SEZ6L: variants seen among roughly 807,000 people sequenced by gnomAD.
SEZ6L encodes seizure related 6 homolog like, also known as seizure 6-like protein.
In SEZ6L, 37 loss-of-function variants were observed where a neutral mutation model predicts 106.2. The ratio of observed to expected loss-of-function variants is 0.35; its 90% CI spans 0.27 to 0.46. The LOEUF (loss-of-function observed/expected upper bound fraction) is 0.46, where lower values mean the gene tolerates loss of function less well. Among genes scored for constraint, SEZ6L ranks in the 20% least tolerant of loss-of-function variants. SEZ6L has a pLI of 1.00. For missense variants in SEZ6L, 1,172 were observed against 1,332.8 expected, an observed-to-expected ratio of 0.88 and a Z score of 1.88; for synonymous variants, 541 against 570.4, an observed-to-expected ratio of 0.95 and a Z score of 0.73.
intron 1 of SEZ6L, among the ~76,000 whole-genome samples, chr22:26,180,759 G>C (rs1569357575): frequency 6.6e-6 from 1 of 152,200 alleles, no homozygotes; most frequent in Non-Finnish European, 1.5e-5. Context: ...CTTTTCCCAT[G>C]AGAGATTCAT....
intron 1 of SEZ6L, among the ~76,000 whole-genome samples, chr22:26,197,043 G>T (rs1316652059): frequency 6.6e-6 from 1 of 152,212 alleles, no homozygotes; most frequent in Non-Finnish European, 1.5e-5. Flanking sequence ...TTAGAGAGAT[G>T]CATGTAGATA....
At chr22:26,303,928 A>G (rs1293330656) in intron 5 of SEZ6L, among the ~76,000 whole-genome samples, 1 of 152,128 alleles carries the variant, frequency 6.6e-6, no homozygotes, top group Non-Finnish European at 1.5e-5. Context: ...AATGGCTCCC[A>G]AGACTTGAAA....
intron 2 of SEZ6L, among the ~76,000 whole-genome samples, chr22:26,293,617 A>G (rs562855855): frequency 6.4e-4 from 97 of 152,306 alleles, no homozygotes; most frequent in African/African-American, 2.3e-3. Context: ...ATGAGCCAGG[A>G]CACTCAGCCA....
intron 1 of SEZ6L, among the ~76,000 whole-genome samples, chr22:26,200,888 C>A (rs1940897882): frequency 1.3e-5 from 2 of 152,072 alleles, no homozygotes; most frequent in Admixed American, 6.6e-5. Context: ...CATTCCCCAC[C>A]TCTCAGCCTT....
chr22:26,311,720 G>A (rs374876982), intron 7 of SEZ6L, 48 bp from the exon 8 acceptor site: 4 of 1,518,058 alleles, frequency 2.6e-6, no homozygotes, highest in East Asian at 4.5e-5. Flanking sequence ...AGCACCGTGG[G>A]GTAGTCCCTG....
intron 5 of SEZ6L, among the ~76,000 whole-genome samples, chr22:26,303,058 T>C (rs918491679): frequency 4.6e-5 from 7 of 152,250 alleles, no homozygotes; most frequent in Non-Finnish European, 7.3e-5. Flanking sequence ...GGTGGACTTA[T>C]CACCATTTTA....
Position 26,296,956 on chromosome 22 carries a change from C to G in SEZ6L, c.1038C>G (p.Thr346=), listed in dbSNP as rs112422707. Reference sequence around the variant, plus strand: ...GCGGGGTGGACGGCCCTACCCTGACCGTCCTGGCCAACCAGACACTCCTGG... The same window carrying G: ...GCGGGGTGGACGGCCCTACCCTGACGGTCCTGGCCAACCAGACACTCCTGG... ...SIRGVDGPTL[T]VLANQTLLVE... Residue 346 remains threonine, a synonymous_variant, in exon 4 of 17, where the codon ACC becomes ACG. Coordinates refer to ENST00000248933, the MANE Select transcript of SEZ6L (RefSeq NM_021115.5). 1 of 1,613,960 alleles carries G rather than the reference C, an allele frequency of 6.2e-7. No homozygotes were observed. Among genetic ancestry groups the G allele is most frequent in the Non-Finnish European group, 8.5e-7 (1 of 1,179,978 alleles).
Position 26,292,815 on chromosome 22 carries a change from G to T in SEZ6L, c.504G>T (p.Gly168=). The part of the protein sequence containing the change: ...SSSTEKPGPP[G]DPDPIVASEE... Reference sequence around the variant, plus strand: ...CCACGGAGAAGCCTGGCCCACCGGGGGACCCGGACCCCATCGTGGCCTCCG... The same window carrying T: ...CCACGGAGAAGCCTGGCCCACCGGGTGACCCGGACCCCATCGTGGCCTCCG... Residue 168 remains glycine, a synonymous_variant, in exon 2 of 17, where the codon GGG becomes GGT. Transcript: ENST00000248933. 4.3e-6 allele frequency: 7 copies of T among 1,613,910 alleles called. No homozygotes were observed. Among genetic ancestry groups the T allele is most frequent in the African/African-American group, 1.3e-5 (1 of 75,068 alleles).
intron 1 of SEZ6L, among the ~76,000 whole-genome samples, chr22:26,230,442 C>T (rs6004964): frequency 4.5e-4 from 68 of 152,350 alleles, no homozygotes; most frequent in African/African-American, 1.5e-3. Flanking sequence ...TGAGCACTAA[C>T]TCTGCGCCAG....
intron 1 of SEZ6L, among the ~76,000 whole-genome samples, chr22:26,234,620 C>T (rs533192836): frequency 1.3e-5 from 2 of 152,348 alleles, no homozygotes; most frequent in African/African-American, 4.8e-5. Flanking sequence ...CATCTCTATG[C>T]CTGGGCATCT....
chr22:26,275,210 T>C (rs577794623), intron 1 of SEZ6L, among the ~76,000 whole-genome samples: 1 of 152,344 alleles, frequency 6.6e-6, no homozygotes, highest in Non-Finnish European at 1.5e-5. Flanking sequence ...ATTTTGAATT[T>C]ACAACGTTGC....
intron 15 of SEZ6L, 116 bp downstream of exon 15, chr22:26,375,805 C>T (rs2084205161): frequency 2.9e-6 from 2 of 687,248 alleles, no homozygotes; most frequent in Non-Finnish European, 5.0e-6. Flanking sequence ...GGCATAGTGG[C>T]ATTTGTGTTA....
intron 1 of SEZ6L, among the ~76,000 whole-genome samples, chr22:26,255,700 A>G (rs1021809084): frequency 2.6e-5 from 4 of 152,244 alleles, no homozygotes; most frequent in Non-Finnish European, 5.9e-5. Flanking sequence ...TACTTTCTCC[A>G]GCATAGCAAA....
At chr22:26,304,566 T>C (rs984544021) in intron 5 of SEZ6L, among the ~76,000 whole-genome samples, 5 of 152,174 alleles carry the variant, frequency 3.3e-5, no homozygotes, top group Non-Finnish European at 7.3e-5. Context: ...AAGTGTTCTT[T>C]CCAGTGCACA....
intron 9 of SEZ6L, among the ~76,000 whole-genome samples, chr22:26,338,867 CTTTT>C (rs71192914): frequency 4.2e-3 from 370 of 87,482 alleles, no homozygotes; most frequent in African/African-American, 0.017. Flanking sequence ...TTTTTTTTTT[CTTTT>C]TTTTTTTTTT....
chr22:26,345,226 C>T (rs2082968653), intron 10 of SEZ6L, among the ~76,000 whole-genome samples: 1 of 152,174 alleles, frequency 6.6e-6, no homozygotes, highest in Non-Finnish European at 1.5e-5. Flanking sequence ...GGTACAGGCC[C>T]TGGGATCTGA....
At chr22:26,199,186 A>C (rs1214463522) in intron 1 of SEZ6L, among the ~76,000 whole-genome samples, 1 of 152,216 alleles carries the variant, frequency 6.6e-6, no homozygotes, top group Non-Finnish European at 1.5e-5. Flanking sequence ...TTAGCCCATT[A>C]CCAATCACCA....
chr22:26,211,393 A>T (rs2078152960), intron 1 of SEZ6L, among the ~76,000 whole-genome samples: 1 of 152,132 alleles, frequency 6.6e-6, no homozygotes, highest in African/African-American at 2.4e-5. Context: ...GCTATGGAGA[A>T]GAAGCAACCC....
chr22:26,304,726 T>C (rs2081581593), intron 5 of SEZ6L, among the ~76,000 whole-genome samples: 3 of 152,256 alleles, frequency 2.0e-5, no homozygotes, highest in Non-Finnish European at 4.4e-5. Context: ...AAATAGCTTA[T>C]TAAAATAGGT....
Sources: allele counts gnomAD v4.1 joint callset (sites outside exome capture counted in the v4.1 genomes callset), GRCh38; gene constraint gnomAD v4.1.1; transcripts MANE v1.5; gene names NCBI Gene and HGNC (gene_info 2026-07-23, HGNC 2026-07-21).